NBAS: variants seen among roughly 807,000 people sequenced by gnomAD.
NBAS encodes NAG/BC035112 fusion.
NBAS carries 219 observed loss-of-function variants against 302.5 expected under a neutral mutation model. That is an observed-to-expected ratio of 0.72 (90% CI 0.65 to 0.81). NBAS has a LOEUF of 0.81. Ranked by LOEUF, NBAS falls within the 30% of genes least tolerant of loss-of-function variation. The pLI, the probability that NBAS is intolerant of heterozygous loss-of-function variation, is 0.00. For missense variants in NBAS, 2,932 were observed against 2,841.6 expected (o/e 1.03, Z -0.72); for synonymous variants, 1,118 against 1,021.6 (o/e 1.09, Z -1.80).
Position 15,379,666 on chromosome 2 carries a change from C to T in NBAS, c.3526G>A (p.Ala1176Thr). The T allele has an allele frequency of 6.2e-7, 1 of 1,613,984 alleles. No homozygotes were observed. Among genetic ancestry groups the T allele is most frequent in the Non-Finnish European group, 8.5e-7 (1 of 1,179,978 alleles). Residue 1176 changes from alanine to threonine, a missense_variant, in exon 30 of 52, where the codon GCT becomes ACT. By Grantham distance (58) the Ala-to-Thr change is moderately conservative. Transcript: ENST00000281513. ...SYEKSIDLVL[A>T]ASREYFNSST... ...GAATTGAAGTACTCTCTGCTGGCAG[C>T]CAAAACCAAGTCAATACTCTTTTCG...
the NBAS span, among the ~76,000 whole-genome samples, chr2:14,791,672 C>T: frequency 6.2e-4 from 94 of 152,030 alleles, no homozygotes; most frequent in African/African-American, 2.0e-3. Context: ...GGGATGGTGG[C>T]GTGTGCCTGT....
the NBAS span, among the ~76,000 whole-genome samples, chr2:14,933,157 A>T: frequency 2.0e-5 from 3 of 152,028 alleles, no homozygotes; most frequent in Non-Finnish European, 2.9e-5. Flanking sequence ...GATAAGACAT[A>T]GTGCTAACAA....
Position 15,190,228 on chromosome 2 carries a change from G to C in NBAS, c.6572+36C>G. 5.0e-6 allele frequency: 8 copies of C among 1,611,604 alleles called. No individual in the cohort carries two copies. In the East Asian group the frequency reaches 1.8e-4, roughly 36 times the overall value. Reference sequence around the variant, plus strand: ...TTTTAGGGCTAAAGTCCAAACAAAAGAACTCTAATTACGCTAATTTTATGT... The same window carrying C: ...TTTTAGGGCTAAAGTCCAAACAAAACAACTCTAATTACGCTAATTTTATGT... On this transcript the variant is annotated intron_variant, in intron 49 of 51. Transcript: ENST00000281513.
chr2:15,267,106 T>C (rs1057352343), intron 44 of NBAS, among the ~76,000 whole-genome samples: 1 of 152,202 alleles, frequency 6.6e-6, no homozygotes, highest in African/African-American at 2.4e-5. Context: ...ATTCAGTAAA[T>C]ATTATCTCTT....
At chr2:14,985,160 T>G in the NBAS span, among the ~76,000 whole-genome samples, 1 of 152,208 alleles carries the variant, frequency 6.6e-6, no homozygotes. Flanking sequence ...TTGGTATATT[T>G]GCAGAACACT....
intron 44 of NBAS, among the ~76,000 whole-genome samples, chr2:15,251,686 C>T (rs1303085933): frequency 6.6e-6 from 1 of 152,146 alleles, no homozygotes; most frequent in Non-Finnish European, 1.5e-5. Flanking sequence ...ACTGTCACGA[C>T]GCTGGTGGGA....
chr2:14,811,058 G>A, the NBAS span, among the ~76,000 whole-genome samples: 1 of 152,118 alleles, frequency 6.6e-6, no homozygotes, highest in Non-Finnish European at 1.5e-5. Context: ...ACTTATCTGG[G>A]AAATGTACCA....
chr2:15,435,946 A>G (rs1677990241), intron 21 of NBAS, among the ~76,000 whole-genome samples: 1 of 152,242 alleles, frequency 6.6e-6, no homozygotes, highest in African/African-American at 2.4e-5. Context: ...AATAACATAT[A>G]AGCAATAATT....
chr2:15,173,146 T>G (rs150840574), intron 51 of NBAS, among the ~76,000 whole-genome samples: 1,702 of 152,356 alleles, frequency 0.011, 15 homozygotes, highest in Middle Eastern at 0.027. Context: ...GAGATTGTTT[T>G]TTGTGTGTCA....
At position 15,380,331 on chromosome 2, in the gene NBAS, T is replaced by C. The variant is rs189482625; in HGVS notation, c.3361-500A>G. 2.2e-3 allele frequency among the ~76,000 whole-genome samples: 328 copies of C among 152,298 alleles called. 1 individual carries two copies. Among genetic ancestry groups the C allele is most frequent in the African/African-American group, 7.7e-3 (319 of 41,568 alleles). On this transcript the variant is annotated intron_variant, in intron 29 of 51. Coordinates refer to ENST00000281513, the MANE Select transcript of NBAS (RefSeq NM_015909.4). Reference sequence around the variant, plus strand: ...TTGGGCTCAAGCAATCCTCTCACCTTGGCTTCCCAAAGTGTTGGGATTAAA... The same window carrying C: ...TTGGGCTCAAGCAATCCTCTCACCTCGGCTTCCCAAAGTGTTGGGATTAAA...
At chr2:15,156,022 T>C in the NBAS span, among the ~76,000 whole-genome samples, 1 of 152,214 alleles carries the variant, frequency 6.6e-6, no homozygotes, top group African/African-American at 2.4e-5. Context: ...TCTTTCATAG[T>C]GGTGGGTTTC....
At chr2:14,794,586 T>A in the NBAS span, among the ~76,000 whole-genome samples, 1 of 152,176 alleles carries the variant, frequency 6.6e-6, no homozygotes, top group African/African-American at 2.4e-5. Flanking sequence ...TATCAATTTT[T>A]AAAAACTGCT....
the NBAS span, among the ~76,000 whole-genome samples, chr2:14,908,684 A>G: frequency 6.6e-6 from 1 of 152,230 alleles, no homozygotes; most frequent in Non-Finnish European, 1.5e-5. Context: ...GTGCTGATTG[A>G]TTAGATGAAT....
chr2:15,460,221 A>C (rs555338700), intron 21 of NBAS, among the ~76,000 whole-genome samples: 12 of 152,334 alleles, frequency 7.9e-5, no homozygotes, highest in African/African-American at 2.9e-4. Context: ...GTGTACTACA[A>C]GGTACTTTAC....
At chr2:14,912,503 A>G in the NBAS span, among the ~76,000 whole-genome samples, 1 of 152,156 alleles carries the variant, frequency 6.6e-6, no homozygotes, top group Non-Finnish European at 1.5e-5. Flanking sequence ...GTGTCCCATC[A>G]AGCCACTGCC....
intron 48 of NBAS, among the ~76,000 whole-genome samples, chr2:15,202,071 G>A (rs1665900435): frequency 6.6e-6 from 1 of 152,168 alleles, no homozygotes; most frequent in Non-Finnish European, 1.5e-5. Context: ...AAGAATAAAT[G>A]GTTTTCAATT....
At chr2:15,319,063 G>A (rs9753068) in intron 38 of NBAS, among the ~76,000 whole-genome samples, 35,406 of 152,076 alleles carry the variant, frequency 0.23, 4,528 homozygotes, top group Middle Eastern at 0.39. Context: ...AGACCACAGT[G>A]CAATCAAATT....
At chr2:15,067,332 G>A in the NBAS span, among the ~76,000 whole-genome samples, 1 of 143,958 alleles carries the variant, frequency 6.9e-6, no homozygotes, top group African/African-American at 2.5e-5. Flanking sequence ...GTGACAGAGT[G>A]AAACTCTGTC....
At chr2:15,515,703 T>G (rs950829250) in intron 9 of NBAS, among the ~76,000 whole-genome samples, 9 of 152,168 alleles carry the variant, frequency 5.9e-5, no homozygotes, top group African/African-American at 2.2e-4. Flanking sequence ...ATCATCACAG[T>G]GTTCAGAACA....
Sources: allele counts gnomAD v4.1 joint callset (sites outside exome capture counted in the v4.1 genomes callset), GRCh38; gene constraint gnomAD v4.1.1; transcripts MANE v1.5; gene names NCBI Gene and HGNC (gene_info 2026-07-23, HGNC 2026-07-21).